Variants in CLUL1 observed in about 807,000 individuals in gnomAD.
CLUL1 encodes the protein clusterin-like protein 1.
Under a neutral mutation model 49.4 loss-of-function variants are expected in CLUL1, and 43 were observed. That is an observed-to-expected ratio of 0.87 (90% CI 0.68 to 1.12). The LOEUF is 1.12. CLUL1 is among the 50% of genes most tolerant of loss of function. CLUL1 has a pLI of 0.00. For missense variants in CLUL1, 486 were observed against 544.4 expected, an observed-to-expected ratio of 0.89 and a Z score of 1.07; for synonymous variants, 192 against 184.9, an observed-to-expected ratio of 1.04 and a Z score of -0.31.
chr18:648,141 C>T (rs1035089685), intron 9 of CLUL1, among the ~76,000 whole-genome samples: 1 of 152,192 alleles, frequency 6.6e-6, no homozygotes, highest in African/African-American at 2.4e-5. Flanking sequence ...CACTCTACAG[C>T]GCTGGTGAGA....
chr18:604,944 C>T (rs991777529), intron 1 of CLUL1, among the ~76,000 whole-genome samples: 9 of 152,206 alleles, frequency 5.9e-5, no homozygotes, highest in Non-Finnish European at 1.2e-4. Context: ...GTGGGACCTT[C>T]GTCCACTAGG....
chr18:613,163 A>G, intron 2 of CLUL1: 1 of 443,070 alleles, frequency 2.3e-6, no homozygotes, highest in South Asian at 5.4e-5. Context: ...TTTGAGATGG[A>G]GTCTTGCTCT....
chr18:643,406 T>G (rs1022797390), intron 8 of CLUL1, among the ~76,000 whole-genome samples: 9 of 152,216 alleles, frequency 5.9e-5, no homozygotes, highest in African/African-American at 2.2e-4. Context: ...GGTAAAATAA[T>G]TCAATATATT....
In CLUL1 at chr18:618,024, T is replaced by C. The variant is rs771767873; in HGVS notation, c.24T>C (p.Phe8=). The C allele has an allele frequency of 6.2e-7, 1 of 1,614,160 alleles. No individual in the cohort carries two copies. The highest frequency in any genetic ancestry group is 1.1e-5 in the South Asian group (1 of 91,074). Residue 8 remains phenylalanine, a synonymous_variant, in exon 3 of 10, where the codon TTT becomes TTC. Transcript: ENST00000692774. The surrounding 1 kb of genome is among the most constrained non-coding windows in gnomAD (Gnocchi z 4.2). MKPPLLV[F]IVCLLWLKDS... is the part of the protein sequence containing the mutation. Reference sequence around the variant, plus strand: ...ACATGAAGCCGCCACTCTTGGTGTTTATTGTGTGTCTGCTGTGGTTGAAAG... The same window carrying C: ...ACATGAAGCCGCCACTCTTGGTGTTCATTGTGTGTCTGCTGTGGTTGAAAG...
In CLUL1 at chr18:608,116, C is replaced by T. The variant is rs185923946; in HGVS notation, c.-14+1017C>T. On this transcript the variant is annotated intron_variant, in intron 2 of 9. Transcript: ENST00000692774. The stretch of plus-strand genomic sequence containing the variant: ...AAGCAGAGTGAGGCTGTGCTGGGTG[C>T]TCTGTCTGTGGCTGCCCGTGCTCTC... 4.9e-3 allele frequency among the ~76,000 whole-genome samples: 740 copies of T among 152,232 alleles called. 1 individual carries two copies. The highest frequency in any genetic ancestry group is 8.0e-3 in the Non-Finnish European group (546 of 68,016).
intron 6 of CLUL1, among the ~76,000 whole-genome samples, chr18:629,777 C>T (rs1223858646): frequency 6.6e-6 from 1 of 152,236 alleles, no homozygotes; most frequent in Non-Finnish European, 1.5e-5. Flanking sequence ...CCTAGCCAGA[C>T]AGTACACAGA....
chr18:626,908 A>G (rs1411238757), intron 5 of CLUL1, among the ~76,000 whole-genome samples, 189 bp from the exon 6 acceptor site: 5 of 794 alleles, frequency 6.3e-3, no homozygotes, highest in African/African-American at 7.1e-3. Flanking sequence ...AGAAAGAAAG[A>G]AAGAAAGAAA....
chr18:649,382 G>A (rs1441870014), intron 9 of CLUL1, among the ~76,000 whole-genome samples: 1 of 152,124 alleles, frequency 6.6e-6, no homozygotes, highest in Admixed American at 6.5e-5. Flanking sequence ...GTGCCTGGAC[G>A]TTCCTGATTG....
At chr18:597,398 G>A (rs1037121267) in intron 1 of CLUL1, among the ~76,000 whole-genome samples, 1 of 152,156 alleles carries the variant, frequency 6.6e-6, no homozygotes, top group African/African-American at 2.4e-5. Context: ...AGGTAGAGGC[G>A]GGGAGACACA....
intron 7 of CLUL1, among the ~76,000 whole-genome samples, chr18:635,171 A>G (rs114109305): frequency 6.6e-6 from 1 of 152,184 alleles, no homozygotes; most frequent in African/African-American, 2.4e-5. Context: ...TCTGTAAAAC[A>G]GTGGTCCCCA....
chr18:647,680 T>C (rs991901959), intron 9 of CLUL1, among the ~76,000 whole-genome samples: 3 of 152,194 alleles, frequency 2.0e-5, no homozygotes, highest in African/African-American at 7.2e-5. Flanking sequence ...ACAGTCCCCA[T>C]GTAGTACCCC....
chr18:617,471 A>G (rs493216), intron 2 of CLUL1, among the ~76,000 whole-genome samples: 2 of 151,856 alleles, frequency 1.3e-5, no homozygotes, highest in Non-Finnish European at 2.9e-5. Flanking sequence ...GCGCATGCCT[A>G]TAATCCCAGC....
At chr18:625,868 T>C (rs1598425900) in intron 5 of CLUL1, among the ~76,000 whole-genome samples, 1 of 152,192 alleles carries the variant, frequency 6.6e-6, no homozygotes, top group East Asian at 1.9e-4. Context: ...ATGCGCCAAG[T>C]TAATTTGCCT....
chr18:645,810 A>AATATAT (rs35329822), intron 9 of CLUL1, among the ~76,000 whole-genome samples: 823 of 29,700 alleles, frequency 0.028, 64 homozygotes, highest in Non-Finnish European at 0.034. Context: ...AAAAAAAAAA[A>AATATAT]ATATATATAT....
intron 2 of CLUL1, chr18:613,199 T>G (rs1333193806): frequency 1.1e-5 from 5 of 475,988 alleles, no homozygotes; most frequent in Middle Eastern, 5.2e-4. Context: ...AGTGCACTGC[T>G]GCAATCTCAG....
intron 2 of CLUL1, among the ~76,000 whole-genome samples, chr18:608,177 A>T (rs1489946074): frequency 1.3e-5 from 2 of 151,926 alleles, no homozygotes; most frequent in Non-Finnish European, 2.9e-5. Flanking sequence ...TGGGAGGTTG[A>T]CCCTGAGTTG....
chr18:636,623 T>C (rs2074143102), intron 7 of CLUL1, among the ~76,000 whole-genome samples: 1 of 132,950 alleles, frequency 7.5e-6, no homozygotes, highest in South Asian at 2.4e-4. Context: ...TCCCTTTCTC[T>C]CTTTTTTTTT....
chr18:599,291 G>T (rs961379612), intron 1 of CLUL1, among the ~76,000 whole-genome samples: 1 of 152,184 alleles, frequency 6.6e-6, no homozygotes, highest in Admixed American at 6.5e-5. Flanking sequence ...TTGTCTACCA[G>T]ATTGTGATAG....
intron 9 of CLUL1, among the ~76,000 whole-genome samples, chr18:647,168 G>T (rs1302871953): frequency 6.7e-6 from 1 of 148,786 alleles, no homozygotes; most frequent in African/African-American, 2.5e-5. Context: ...GGGATGGCAT[G>T]GGCAAATACG....
Sources: allele counts gnomAD v4.1 joint callset (sites outside exome capture counted in the v4.1 genomes callset), GRCh38; gene constraint gnomAD v4.1.1; non-coding constraint Gnocchi (gnomAD v3.1); transcripts MANE v1.5; gene names NCBI Gene and HGNC (gene_info 2026-07-23, HGNC 2026-07-21).